The following SETD7 variants were observed in gnomAD, a reference collection of about 807,000 sequenced individuals.
SETD7 encodes the protein histone-lysine N-methyltransferase SETD7.
A neutral mutation model predicts 41.8 loss-of-function variants in SETD7; 16 were observed. That is an observed-to-expected ratio of 0.38 (90% confidence interval 0.26 to 0.58). The LOEUF (loss-of-function observed/expected upper bound fraction) is 0.58. Among genes scored for constraint, SETD7 ranks in the 20% least tolerant of loss-of-function variants. The pLI is 0.64. For synonymous variants in SETD7, 163 were observed against 169.7 expected, an observed-to-expected ratio of 0.96 and a Z score of 0.31; for missense variants, 346 against 459.7, an observed-to-expected ratio of 0.75 and a Z score of 2.26.
In SETD7 at chr4:139,509,201, G is replaced by C. The variant is rs1726794086; in HGVS notation, c.*2462C>G. 1 of 152,660 alleles carries C rather than the reference G, an allele frequency of 6.6e-6. No homozygotes were observed. Among genetic ancestry groups the C allele is most frequent in the South Asian group, 2.1e-4 (1 of 4,828 alleles). The allele number at this position is 152,660 out of a possible 1,614,324, so 9.5% of individuals were successfully genotyped here. The stretch of plus-strand genomic sequence containing the variant: ...ACATATGCAGAGAGAAGAGGAAAGA[G>C]AGCCGGCCAGAGAAAGAAGAGCTGG... On this transcript the variant is annotated 3_prime_UTR_variant, in exon 8 of 8. Transcript: ENST00000274031.
intron 1 of SETD7, among the ~76,000 whole-genome samples, chr4:139,551,371 A>AT (rs1312946474): frequency 6.6e-6 from 1 of 152,230 alleles, no homozygotes; most frequent in Non-Finnish European, 1.5e-5. Context: ...CTGTAGCATG[A>AT]TTTTAAATAT....
At position 139,507,556 on chromosome 4, in the gene SETD7, C is replaced by G. The variant is rs1726741899; in HGVS notation, c.*4107G>C. The G allele has an allele frequency of 6.6e-6, 1 of 152,606 alleles. No individual in the cohort carries two copies. Among genetic ancestry groups the G allele is most frequent in the Non-Finnish European group, 1.5e-5 (1 of 68,042 alleles). The allele number at this position is 152,606 out of a possible 1,614,324, so 9.5% of individuals were successfully genotyped here. A position where few individuals can be genotyped will look rare whatever the true frequency, so the allele number is the denominator to read the frequency against. Reference sequence around the variant, plus strand: ...TCAACTTCATTTAAATATATTCATTCTATCATGAAAATATTTCATACAAAC... The same window carrying G: ...TCAACTTCATTTAAATATATTCATTGTATCATGAAAATATTTCATACAAAC... On this transcript the variant is annotated 3_prime_UTR_variant, in exon 8 of 8. Transcript: ENST00000274031.
intron 2 of SETD7, among the ~76,000 whole-genome samples, chr4:139,543,645 G>A (rs1297564831): frequency 6.6e-6 from 1 of 152,060 alleles, no homozygotes; most frequent in Non-Finnish European, 1.5e-5. Flanking sequence ...TGGTGTTTGA[G>A]TGGTAGATAT....
At position 139,496,127 on chromosome 4, in the gene SETD7, T is replaced by C. The variant is rs193272816; in HGVS notation, c.*226A>G. ...CTGAAGAAAATTCCAAATATCCTGA[T>C]TGTTTTAAAAGATATTTTATCTAAT... On this transcript the variant is annotated 3_prime_UTR_variant, in exon 8 of 8. Transcript: ENST00000506866. 1.3e-3 allele frequency: 531 copies of C among 404,652 alleles called. 1 individual carries two copies. The highest frequency in any genetic ancestry group is 9.3e-3 in the African/African-American group (448 of 48,068). The allele number at this position is 404,652 out of a possible 1,614,324, so 25.1% of individuals were successfully genotyped here.
At chr4:139,497,934 G>C (rs1476519544) in intron 7 of SETD7, among the ~76,000 whole-genome samples, 1 of 152,092 alleles carries the variant, frequency 6.6e-6, no homozygotes, top group Non-Finnish European at 1.5e-5. Context: ...AACAGTATGA[G>C]AATAAATCCT....
chr4:139,546,997 G>A lies in SETD7; in HGVS notation c.93C>T (p.Ser31=). Residue 31 remains serine, a synonymous_variant, in exon 2 of 8, where the codon TCC becomes TCT. Coordinates refer to ENST00000274031, the MANE Select transcript of SETD7 (RefSeq NM_030648.4). ...LPHGFCTVTY[S]STDRFEGNFV... ...AGTTCCCCTCAAATCTGTCTGTGGAGGAGTAGGTGACTGTGCAGAACCCGT... is the reference window on the plus strand; with the variant it reads ...AGTTCCCCTCAAATCTGTCTGTGGAAGAGTAGGTGACTGTGCAGAACCCGT... The A allele has an allele frequency of 6.2e-7, 1 of 1,614,192 alleles. No individual in the cohort carries two copies. The highest frequency in any genetic ancestry group is 8.5e-7 in the Non-Finnish European group (1 of 1,180,036).
At chr4:139,550,488 C>T (rs1288248781) in intron 1 of SETD7, among the ~76,000 whole-genome samples, 1 of 152,174 alleles carries the variant, frequency 6.6e-6, no homozygotes, top group Non-Finnish European at 1.5e-5. Context: ...GAGACTTCCA[C>T]TCTGAATATT....
At chr4:139,532,346 G>A (rs1727507214) in intron 3 of SETD7, among the ~76,000 whole-genome samples, 1 of 152,204 alleles carries the variant, frequency 6.6e-6, no homozygotes, top group Non-Finnish European at 1.5e-5. Flanking sequence ...GGCTGAGGTG[G>A]GAAGATGGCT....
Position 139,517,865 on chromosome 4 carries a change from C to G in SETD7, c.920+20G>C. The G allele has an allele frequency of 6.2e-7, 1 of 1,601,798 alleles. No individual in the cohort carries two copies. Among genetic ancestry groups the G allele is most frequent in the Non-Finnish European group, 8.5e-7 (1 of 1,172,652 alleles). ...GCCCTGAGGCATAGATCCGCCCCAGCAGCTCTGGGTAATACTTACATATCG... is the reference window on the plus strand; with the variant it reads ...GCCCTGAGGCATAGATCCGCCCCAGGAGCTCTGGGTAATACTTACATATCG... On this transcript the variant is annotated intron_variant, in intron 7 of 7. Transcript: ENST00000274031.
rs116684364 is a variant in SETD7 at position 139,531,950 on chromosome 4, C to T, written c.372+1215G>A. ...TTACTAAAAATACAAAAAAATTAGC[C>T]GGGCGTAGTGGCCTGTGCCTGCAAT... On this transcript the variant is annotated intron_variant, in intron 3 of 7. Transcript: ENST00000274031. Among the ~76,000 whole-genome samples, 1,106 of 152,078 alleles carry T rather than the reference C, an allele frequency of 7.3e-3. 16 individuals are homozygous for T. Among genetic ancestry groups the T allele is most frequent in the African/African-American group, 0.025 (1,028 of 41,476 alleles).
At chr4:139,544,825 T>C in intron 2 of SETD7, among the ~76,000 whole-genome samples, 1 of 151,286 alleles carries the variant, frequency 6.6e-6, no homozygotes, top group Non-Finnish European at 1.5e-5. Flanking sequence ...TGTGTGTGTG[T>C]GTGTTTGTGT....
At chr4:139,504,157 C>T (rs987156683), downstream of SETD7, among the ~76,000 whole-genome samples, 1 of 152,154 alleles carries the variant, frequency 6.6e-6, no homozygotes, top group African/African-American at 2.4e-5. Context: ...TTGAGTTGAG[C>T]TTTGATGTTT....
At chr4:139,495,039 A>G (rs1726428785), downstream of SETD7, among the ~76,000 whole-genome samples, 1 of 152,248 alleles carries the variant, frequency 6.6e-6, no homozygotes, top group African/African-American at 2.4e-5. Flanking sequence ...AGTATTTAAA[A>G]TGGACATATT....
intron 2 of SETD7, among the ~76,000 whole-genome samples, chr4:139,537,736 T>C (rs1194436127): frequency 6.6e-6 from 1 of 152,216 alleles, no homozygotes; most frequent in East Asian, 1.9e-4. Context: ...TCATTTTGCA[T>C]TGAGAAGAGA....
exon 8 of SETD7, chr4:139,496,183 C>T: frequency 1.1e-5 from 5 of 470,614 alleles, no homozygotes; most frequent in South Asian, 4.2e-5. Context: ...GTCTTTTTCC[C>T]CCCTCTGGTG....
chr4:139,528,807 C>T (rs755786548), intron 4 of SETD7, among the ~76,000 whole-genome samples: 1 of 152,188 alleles, frequency 6.6e-6, no homozygotes, highest in Non-Finnish European at 1.5e-5. Context: ...GGCCTGGCCC[C>T]CTAAGCCCAG....
At chr4:139,516,293 C>T (rs1278176622) in intron 7 of SETD7, among the ~76,000 whole-genome samples, 1 of 151,680 alleles carries the variant, frequency 6.6e-6, no homozygotes, top group Admixed American at 6.6e-5. Flanking sequence ...TGGTGAAACC[C>T]CCATCTCTAC....
At chr4:139,504,053 G>A (rs1726646145), downstream of SETD7, among the ~76,000 whole-genome samples, 1 of 152,192 alleles carries the variant, frequency 6.6e-6, no homozygotes, top group Non-Finnish European at 1.5e-5. Context: ...TGGAAAGATG[G>A]GAAGAACTTG....
intron 7 of SETD7, among the ~76,000 whole-genome samples, chr4:139,516,083 G>T (rs1351966887): frequency 6.6e-6 from 1 of 152,168 alleles, no homozygotes; most frequent in African/African-American, 2.4e-5. Flanking sequence ...CCATGTAAAA[G>T]AGAGTCTGAC....
Sources: allele counts gnomAD v4.1 joint callset (sites outside exome capture counted in the v4.1 genomes callset), GRCh38; gene constraint gnomAD v4.1.1; transcripts MANE v1.5; gene names NCBI Gene and HGNC (gene_info 2026-07-23, HGNC 2026-07-21).